The following UPF3A variants were observed in gnomAD, a reference collection of about 807,000 sequenced individuals.
UPF3A encodes the protein regulator of nonsense transcripts 3A.
UPF3A carries 42 observed loss-of-function variants against 53.5 expected under a neutral mutation model. That is an observed-to-expected ratio of 0.78 (90% CI 0.61 to 1.01). The LOEUF is 1.01. UPF3A is among the 50% of genes least tolerant of loss of function. The pLI is 0.00. For missense variants in UPF3A, 575 were observed against 598.0 expected, an observed-to-expected ratio of 0.96 and a Z score of 0.40; for synonymous variants, 237 against 225.3, an observed-to-expected ratio of 1.05 and a Z score of -0.47.
Position 114,304,100 on chromosome 13 carries a change from C to T in UPF3A, c.1303-689C>T, listed in dbSNP as rs9562196. Among the ~76,000 whole-genome samples the T allele has an allele frequency of 3.9e-5, 6 of 152,278 alleles. No individual in the cohort carries two copies. The East Asian group carries it at 5.8e-4, about 15-fold the overall frequency. ...CTCTGCAGGGAGAATAGGCAGGGAG[C>T]GGGAGGCGCGTGGAGCAGGAGGCTC... On this transcript the variant is annotated intron_variant, in intron 9 of 9. Transcript: ENST00000375299.
At chr13:114,289,714 C>A (rs1334105945) in intron 5 of UPF3A, among the ~76,000 whole-genome samples, 2 of 152,106 alleles carry the variant, frequency 1.3e-5, no homozygotes, top group Admixed American at 6.5e-5. Flanking sequence ...TTAGCATCGG[C>A]CTTTAGAGCA....
intron 3 of UPF3A, chr13:114,285,243 A>G (rs903358630): frequency 6.6e-6 from 1 of 152,168 alleles, no homozygotes; most frequent in South Asian, 2.1e-4. Context: ...TCAGTTGACC[A>G]AGTATTACAA....
At chr13:114,285,376 T>G (rs2084576996) in intron 3 of UPF3A, 1 of 152,282 alleles carries the variant, frequency 6.6e-6, no homozygotes, top group South Asian at 2.1e-4. Flanking sequence ...TGAATGAGTA[T>G]CCACTGTGTG....
intron 7 of UPF3A, among the ~76,000 whole-genome samples, chr13:114,292,621 C>T (rs1363171152): frequency 1.3e-5 from 2 of 149,026 alleles, no homozygotes; most frequent in South Asian, 2.1e-4. Flanking sequence ...AAGGCGTACA[C>T]GTGCAGGTGT....
intron 3 of UPF3A, 81 bp downstream of exon 3, chr13:114,283,024 AATT>A (rs1359054706): frequency 8.4e-5 from 94 of 1,116,722 alleles, no homozygotes; most frequent in African/African-American, 1.3e-4. Flanking sequence ...GTGCTTTTTA[AATT>A]ATTATTATTT....
At chr13:114,294,004 G>A (rs1296068707) in intron 7 of UPF3A, among the ~76,000 whole-genome samples, 1 of 152,014 alleles carries the variant, frequency 6.6e-6, no homozygotes, top group African/African-American at 2.4e-5. Context: ...GGCTGGTCTC[G>A]TACTCTTGGA....
At chr13:114,302,759 T>G (rs149734203) in intron 9 of UPF3A, among the ~76,000 whole-genome samples, 18 of 152,332 alleles carry the variant, frequency 1.2e-4, no homozygotes, top group African/African-American at 4.3e-4. Flanking sequence ...TCTAATTCCT[T>G]TCAGATCCTT....
intron 9 of UPF3A, among the ~76,000 whole-genome samples, chr13:114,303,603 T>C (rs540947324): frequency 4.6e-5 from 7 of 151,966 alleles, no homozygotes; most frequent in Non-Finnish European, 8.8e-5. Flanking sequence ...CTGGCCAACA[T>C]AGTGAAACCC....
chr13:114,293,108 G>T (rs1473261826), intron 7 of UPF3A, among the ~76,000 whole-genome samples: 4 of 147,294 alleles, frequency 2.7e-5, no homozygotes, highest in Non-Finnish European at 5.9e-5. Flanking sequence ...TCCTGGCCGG[G>T]TGGGGTGGCT....
chr13:114,295,111 C>CA (rs60225573), intron 7 of UPF3A, among the ~76,000 whole-genome samples: 19,224 of 85,000 alleles, frequency 0.23, 2,717 homozygotes, highest in African/African-American at 0.45. Flanking sequence ...GACTCCGTCT[C>CA]AAAAAAAAAA....
At chr13:114,292,649 G>A (rs1459786065) in intron 7 of UPF3A, among the ~76,000 whole-genome samples, 1 of 147,608 alleles carries the variant, frequency 6.8e-6, no homozygotes, top group African/African-American at 2.6e-5. Flanking sequence ...GTTCATTTTC[G>A]GCTCAAGGCG....
chr13:114,304,932 C>T lies in UPF3A; in HGVS notation c.*15C>T. The T allele has an allele frequency of 1.9e-6, 3 of 1,610,058 alleles. No individual in the cohort carries two copies. Among genetic ancestry groups the T allele is most frequent in the Non-Finnish European group, 2.5e-6 (3 of 1,178,168 alleles). On this transcript the variant is annotated 3_prime_UTR_variant, in exon 10 of 10. Transcript: ENST00000375299. ...AGGCAGAGTGAGTCACTGCACGCAC[C>T]TGGCCTCCATGGACGAGCAAGGGCA...
intron 5 of UPF3A, chr13:114,287,451 C>CA (rs200637283): frequency 0.036 from 5,530 of 151,986 alleles, 152 homozygotes; most frequent in Non-Finnish European, 0.054. Context: ...ATTAGCAGGG[C>CA]ATGGTGGTGC....
At chr13:114,290,633 C>G (rs913073217) in intron 5 of UPF3A, among the ~76,000 whole-genome samples, 1 of 152,134 alleles carries the variant, frequency 6.6e-6, no homozygotes, top group Non-Finnish European at 1.5e-5. Context: ...AGCGAAGGAC[C>G]AAGATAGAGT....
At chr13:114,283,048 G>T in intron 3 of UPF3A, 105 bp downstream of exon 3, 2 of 911,838 alleles carry the variant, frequency 2.2e-6, no homozygotes, top group South Asian at 1.7e-5. Flanking sequence ...TTTGAGACAG[G>T]GTCTTGCTCT....
intron 5 of UPF3A, among the ~76,000 whole-genome samples, chr13:114,290,988 G>C (rs1379198208): frequency 6.6e-6 from 1 of 151,988 alleles, no homozygotes; most frequent in Non-Finnish European, 1.5e-5. Context: ...GCCCGCCTTG[G>C]CCTCCCAAAG....
In UPF3A at chr13:114,287,845, T is replaced by C. The variant is rs550298694; in HGVS notation, c.631+1216T>C. Among the ~76,000 whole-genome samples, 3 of 152,246 alleles carry C rather than the reference T, an allele frequency of 2.0e-5. No homozygotes were observed. The South Asian group carries it at 6.2e-4, about 32-fold the overall frequency. ...AAAGCTTTTTTTCCCCCCACTCTGT[T>C]GCCCAGGCTGGAGTGCGGTGGCACA... On this transcript the variant is annotated intron_variant, in intron 5 of 9. Coordinates refer to ENST00000375299, the MANE Select transcript of UPF3A (RefSeq NM_023011.4).
intron 9 of UPF3A, among the ~76,000 whole-genome samples, chr13:114,303,583 C>T (rs1344393120): frequency 1.3e-5 from 2 of 152,030 alleles, no homozygotes; most frequent in East Asian, 1.9e-4. Context: ...GTCAGGAGTT[C>T]GAGACCAGCC....
chr13:114,289,517 C>T (rs900219294), intron 5 of UPF3A, among the ~76,000 whole-genome samples: 57 of 130,816 alleles, frequency 4.4e-4, no homozygotes, highest in East Asian at 2.5e-4. Flanking sequence ...AGTAAGACTC[C>T]ATCTCAAAAA....
Sources: gnomAD v4.1 joint callset for allele counts (sites outside exome capture counted in the v4.1 genomes callset) on GRCh38, gnomAD v4.1.1 for gene constraint, MANE v1.5 for transcripts, NCBI Gene and HGNC (gene_info 2026-07-23, HGNC 2026-07-21) for gene names.